ACSM5: variants seen among roughly 807,000 people sequenced by gnomAD.
ACSM5 encodes the protein acyl-CoA synthetase medium chain family member 5, also known as acyl-coenzyme A synthetase ACSM5, mitochondrial.
A neutral mutation model predicts 71.6 loss-of-function variants in ACSM5; 56 were observed. The ratio of observed to expected loss-of-function variants is 0.78; its 90% CI spans 0.63 to 0.98. ACSM5 has a LOEUF of 0.98. ACSM5 is among the 50% of genes least tolerant of loss of function. ACSM5 has a pLI of 0.00. For synonymous variants in ACSM5, 285 were observed against 281.5 expected, an observed-to-expected ratio of 1.01 and a Z score of -0.12; for missense variants, 723 against 726.0, an observed-to-expected ratio of 1.00 and a Z score of 0.05.
intron 4 of ACSM5, 63 bp from the exon 5 acceptor site, chr16:20,421,195 A>G: frequency 2.0e-6 from 3 of 1,485,606 alleles, no homozygotes; most frequent in African/African-American, 2.8e-5. Context: ...TGTTACACAT[A>G]TTATTGGTGC....
intron 12 of ACSM5, among the ~76,000 whole-genome samples, 167 bp downstream of exon 12, chr16:20,437,534 T>C (rs1295996921): frequency 1.3e-5 from 2 of 151,946 alleles, no homozygotes; most frequent in Non-Finnish European, 2.9e-5. Flanking sequence ...AGAGATACAA[T>C]TACTCTCTAA....
At chr16:20,418,719 T>G (rs1465247109) in intron 3 of ACSM5, among the ~76,000 whole-genome samples, 2 of 152,212 alleles carry the variant, frequency 1.3e-5, no homozygotes, top group Non-Finnish European at 2.9e-5. Flanking sequence ...GGTTGTGGTT[T>G]GGGAGCCTTG....
In ACSM5 at chr16:20,431,315, C is replaced by T. The variant is rs139795247; in HGVS notation, c.1302C>T (p.Cys434=). 23 of 1,613,478 alleles carry T rather than the reference C, an allele frequency of 1.4e-5. 1 individual carries two copies. The African/African-American group carries it at 1.7e-4, about 12-fold the overall frequency. Residue 434 remains cysteine, a synonymous_variant, in exon 10 of 14, where the codon TGC becomes TGT. Transcript: ENST00000331849. Reference sequence around the variant, plus strand: ...CTCGGCCCTTCTGTTTCTTCAATTGCTATTTGGTAAGAGACGGGGAACAGC... The same window carrying T: ...CTCGGCCCTTCTGTTTCTTCAATTGTTATTTGGTAAGAGACGGGGAACAGC... The part of the protein sequence containing the change: ...RPTRPFCFFN[C]YLDNPEKTAA...
chr16:20,434,593 C>T (rs1234333122), intron 10 of ACSM5, among the ~76,000 whole-genome samples: 2 of 152,180 alleles, frequency 1.3e-5, no homozygotes, highest in Non-Finnish European at 2.9e-5. Context: ...ACTTGGGAGG[C>T]TGAGACAGGA....
intron 7 of ACSM5, among the ~76,000 whole-genome samples, chr16:20,428,768 C>T (rs929697315): frequency 3.3e-5 from 5 of 152,112 alleles, no homozygotes; most frequent in African/African-American, 7.2e-5. Context: ...AGAACAATGT[C>T]GTTGAATGCT....
At chr16:20,429,871 A>G (rs1399955576) in intron 8 of ACSM5, 70 bp downstream of exon 8, 3 of 1,572,620 alleles carry the variant, frequency 1.9e-6, no homozygotes. Context: ...TCCGGCTGTC[A>G]CCTCCCTGAA....
intron 10 of ACSM5, among the ~76,000 whole-genome samples, chr16:20,432,847 C>CTGTTTTTTTTTTTTTTT (rs1967126208): frequency 1.7e-5 from 1 of 57,610 alleles, no homozygotes; most frequent in Non-Finnish European, 3.2e-5. Context: ...CCAGATCATT[C>CTGTTTTTTTTTTTTTTT]TTTTTTTTTT....
intron 2 of ACSM5, among the ~76,000 whole-genome samples, chr16:20,416,945 G>C (rs76034669): frequency 6.8e-6 from 1 of 146,772 alleles, no homozygotes. Context: ...CACATGAAAA[G>C]ATGCTTAACA....
intron 10 of ACSM5, among the ~76,000 whole-genome samples, chr16:20,436,089 C>CT (rs879465170): frequency 7.2e-5 from 10 of 138,766 alleles, no homozygotes; most frequent in African/African-American, 2.8e-4. Flanking sequence ...TCCTTCCTTC[C>CT]TTTTCTCTTT....
chr16:20,432,597 C>G (rs1468732399), intron 10 of ACSM5, among the ~76,000 whole-genome samples: 1 of 152,076 alleles, frequency 6.6e-6, no homozygotes, highest in South Asian at 2.1e-4. Context: ...TTTGACCCCA[C>G]TGAAAAAATG....
chr16:20,440,673 G>A lies in ACSM5; in HGVS notation c.*246G>A, dbSNP rs1206159547. On this transcript the variant is annotated 3_prime_UTR_variant, in exon 14 of 14. Coordinates refer to ENST00000331849, the MANE Select transcript of ACSM5 (RefSeq NM_017888.3). ...GGTGGTTCGACTTCTCCCTCTGTCT[G>A]GGGGCAGGCTCAGCATCTGCCCACT... The A allele has an allele frequency of 1.6e-5, 7 of 442,102 alleles. No homozygotes were observed. Among genetic ancestry groups the A allele is most frequent in the South Asian group, 5.8e-5 (2 of 34,338 alleles). The allele number at this position is 442,102 out of a possible 1,614,324, so 27.4% of individuals were successfully genotyped here.
Position 20,411,644 on chromosome 16 carries a change from A to G in ACSM5, c.160A>G (p.Asn54Asp). 6.2e-7 allele frequency: 1 copy of G among 1,614,108 alleles called. No homozygotes were observed. Among genetic ancestry groups the G allele is most frequent in the African/African-American group, 1.3e-5 (1 of 75,022 alleles). ...LGRQLVPEYF[N>D]FAHDVLDVWS... ...AAGGCAGCTGGTGCCTGAGTACTTC[A>G]ACTTCGCCCATGATGTGCTGGATGT... is the stretch of plus-strand genomic sequence containing the variant. Residue 54 changes from asparagine to aspartate, a missense_variant, in exon 2 of 14, where the codon AAC (asparagine) becomes GAC (aspartate). Asn to Asp is a conservative substitution (Grantham distance 23, BLOSUM62 1). Transcript: ENST00000331849.
chr16:20,436,415 G>A (rs1286266876), intron 10 of ACSM5, among the ~76,000 whole-genome samples: 4 of 152,068 alleles, frequency 2.6e-5, no homozygotes, highest in African/African-American at 9.7e-5. Context: ...CTATAGCCCA[G>A]GCTGGAGTGC....
chr16:20,432,641 G>A (rs1233423353), intron 10 of ACSM5, among the ~76,000 whole-genome samples: 5 of 152,106 alleles, frequency 3.3e-5, no homozygotes, highest in East Asian at 1.9e-4. Flanking sequence ...ACTTCGTGCC[G>A]CTCGGTGTGG....
At chr16:20,418,383 T>C in intron 3 of ACSM5, 114 bp downstream of exon 3, 1 of 1,063,880 alleles carries the variant, frequency 9.4e-7, no homozygotes, top group African/African-American at 1.6e-5. Flanking sequence ...TGGAGTTGTG[T>C]TTACTTCCTA....
At chr16:20,430,781 A>G (rs1272904687) in intron 8 of ACSM5, among the ~76,000 whole-genome samples, 1 of 150,516 alleles carries the variant, frequency 6.6e-6, no homozygotes, top group Non-Finnish European at 1.5e-5. Context: ...GAAAGAGGAA[A>G]GGAAGGAGTG....
At chr16:20,436,100 C>CTTTCTTTCTT (rs1967191382) in intron 10 of ACSM5, among the ~76,000 whole-genome samples, 2 of 55,722 alleles carry the variant, frequency 3.6e-5, no homozygotes, top group African/African-American at 2.0e-4. Context: ...TTTTCTCTTT[C>CTTTCTTTCTT]TTTCTTTCTT....
chr16:20,429,803 T>C lies in ACSM5; in HGVS notation c.1125+2T>C. On this transcript the variant is annotated splice_donor_variant, in intron 8 of 13. Transcript: ENST00000331849. LOFTEE classifies it high-confidence loss of function. Reference sequence around the variant, plus strand: ...GAAGGCTATGGCCAGTCTGAAACGGTGAGTGCTGGAGGGGCCAGGTCCCTA... The same window carrying C: ...GAAGGCTATGGCCAGTCTGAAACGGCGAGTGCTGGAGGGGCCAGGTCCCTA... 4.3e-6 allele frequency: 7 copies of C among 1,612,256 alleles called. No homozygotes were observed. Among genetic ancestry groups the C allele is most frequent in the Middle Eastern group, 1.8e-4 (1 of 5,454 alleles).
intron 12 of ACSM5, among the ~76,000 whole-genome samples, chr16:20,438,164 A>G (rs1361168615): frequency 6.6e-6 from 1 of 151,852 alleles, no homozygotes; most frequent in Non-Finnish European, 1.5e-5. Flanking sequence ...AGGAATGCAT[A>G]TTATGGGAAA....
Sources: allele counts gnomAD v4.1 joint callset (sites outside exome capture counted in the v4.1 genomes callset), GRCh38; gene constraint gnomAD v4.1.1; transcripts MANE v1.5; gene names NCBI Gene and HGNC (gene_info 2026-07-23, HGNC 2026-07-21).